Variants in SYNE1 observed in about 807,000 individuals in gnomAD.
SYNE1 encodes the protein spectrin repeat containing nuclear envelope protein 1.
SYNE1 carries 616 observed loss-of-function variants against 1,111.0 expected under a neutral mutation model. The observed-to-expected ratio is 0.55, with a 90% CI of 0.52 to 0.59. The LOEUF (loss-of-function observed/expected upper bound fraction) is 0.59, where lower values mean the gene tolerates loss of function less well. Among genes scored for constraint, SYNE1 ranks in the 20% least tolerant of loss-of-function variants. The pLI is 0.00. For missense variants in SYNE1, 10,006 were observed against 10,417.0 expected (o/e 0.96, Z 1.72); for synonymous variants, 3,855 against 3,825.8 (o/e 1.01, Z -0.28).
chr6:152,127,349 G>T (rs1332656632), intron 145 of SYNE1: 1 of 152,104 alleles, frequency 6.6e-6, no homozygotes, highest in Non-Finnish European at 1.5e-5. Flanking sequence ...TCTTGTGAGG[G>T]TTAAATGAGG....
chr6:152,591,097 T>C (rs949790991), intron 3 of SYNE1, among the ~76,000 whole-genome samples: 1 of 152,230 alleles, frequency 6.6e-6, no homozygotes, highest in East Asian at 1.9e-4. Context: ...TTAGAGATCT[T>C]TAACCTCTTT....
chr6:152,595,474 A>G (rs961712), intron 3 of SYNE1, among the ~76,000 whole-genome samples: 3,324 of 152,308 alleles, frequency 0.022, 130 homozygotes, highest in African/African-American at 0.076. Context: ...CAGATGCAAC[A>G]TCAACTCGTT....
chr6:152,434,881 C>A (rs879403246), intron 33 of SYNE1: 1 of 152,006 alleles, frequency 6.6e-6, no homozygotes, highest in Non-Finnish European at 1.5e-5. Context: ...CAAATTTATA[C>A]CCTGAATGTG....
chr6:152,318,871 C>T lies in SYNE1; in HGVS notation c.16381G>A (p.Asp5461Asn). ...AAAATTCTACTTCTTACCTTTTGGTCAGTTTTAGCTTGAACTACATTATCT... is the reference window on the plus strand; with the variant it reads ...AAAATTCTACTTCTTACCTTTTGGTTAGTTTTAGCTTGAACTACATTATCT... ...KTDNVVQAKT[D>N]QKVLGEELDG... The change falls in exon 85 of 146, where the codon GAC becomes AAC. Residue 5461 changes from aspartate (D) to asparagine (N), a missense_variant. Asp to Asn is a conservative substitution (Grantham distance 23). Around this residue, in one of 7 missense-constraint regions of SYNE1, gnomAD observed 4,955 missense variants for 5,017.2 expected, o/e 0.99. Coordinates refer to ENST00000367255, the MANE Select transcript of SYNE1 (RefSeq NM_182961.4). The T allele has an allele frequency of 6.2e-7, 1 of 1,614,114 alleles. No homozygotes were observed. Among genetic ancestry groups the T allele is most frequent in the Non-Finnish European group, 8.5e-7 (1 of 1,180,004 alleles).
chr6:152,163,102 A>T (rs1329262588), intron 131 of SYNE1, among the ~76,000 whole-genome samples: 1 of 152,222 alleles, frequency 6.6e-6, no homozygotes, highest in Non-Finnish European at 1.5e-5. Flanking sequence ...CAGAGTGTGG[A>T]TAGAATATTC....
intron 31 of SYNE1, 81 bp from the exon 32 acceptor site, chr6:152,441,351 C>A: frequency 7.0e-7 from 1 of 1,432,608 alleles, no homozygotes; most frequent in South Asian, 1.2e-5. Context: ...GCAAAACTGT[C>A]AACTTTCAGC....
chr6:152,224,720 A>G, intron 116 of SYNE1, 56 bp from the exon 117 acceptor site: 1 of 1,527,274 alleles, frequency 6.5e-7, no homozygotes, highest in Non-Finnish European at 9.1e-7. Context: ...ATGATGGAAT[A>G]TATATTCAAT....
intron 73 of SYNE1, among the ~76,000 whole-genome samples, chr6:152,346,425 C>T (rs1424650420): frequency 6.6e-6 from 1 of 152,142 alleles, no homozygotes. Flanking sequence ...CTTTGGCCTC[C>T]CAAAGTGCTG....
At position 152,256,378 on chromosome 6, in the gene SYNE1, C is replaced by T. The variant is rs181289804; in HGVS notation, c.19104+256G>A. Among the ~76,000 whole-genome samples the T allele has an allele frequency of 6.9e-4, 104 of 151,704 alleles. 1 individual carries two copies. Among genetic ancestry groups the T allele is most frequent in the Non-Finnish European group, 1.2e-3 (84 of 67,908 alleles). On this transcript the variant is annotated intron_variant, in intron 102 of 145. Transcript: ENST00000367255. ...CCAGGAGGCGGAGGTTGCAATGAGC[C>T]GAGATTGCACCACTGCACTCCAGCT...
At chr6:152,324,667 G>C (rs1377771673) in intron 81 of SYNE1, among the ~76,000 whole-genome samples, 1 of 152,106 alleles carries the variant, frequency 6.6e-6, no homozygotes, top group Non-Finnish European at 1.5e-5. Context: ...GGTGGCGGGC[G>C]CCTGTAGTCC....
In SYNE1 at chr6:152,168,087, T is replaced by C. The variant is rs369658238; in HGVS notation, c.23628-3762A>G. On this transcript the variant is annotated intron_variant, in intron 130 of 145. Transcript: ENST00000367255. ...CACGTAACATGAAAGCTATGTACAA[T>C]GGAAGAAACTCAAGAAGATGCCTGC... The C allele has an allele frequency of 4.8e-4, 378 of 780,792 alleles. 1 individual carries two copies. In the African/African-American group the frequency reaches 5.5e-3, roughly 11 times the overall value. 48.4% of individuals were successfully genotyped at this position (780,792 alleles called of 1,614,324 possible).
Position 152,488,732 on chromosome 6 carries a change from T to TA in SYNE1, c.940-230_940-229insT, listed in dbSNP as rs530313682. Among the ~76,000 whole-genome samples, 36 of 152,018 alleles carry TA rather than the reference T, an allele frequency of 2.4e-4. 1 individual carries two copies. In the East Asian group the frequency reaches 6.8e-3, roughly 29 times the overall value. On this transcript the variant is annotated intron_variant, in intron 11 of 145. Transcript: ENST00000367255. ...TAACGAAATTAACCAACTCCATTTT[T>TA]TTTTTGCCAAGTAACGCTAATTTAA...
intron 4 of SYNE1, among the ~76,000 whole-genome samples, chr6:152,527,653 A>G (rs74860550): frequency 0.022 from 3,426 of 152,330 alleles, 153 homozygotes; most frequent in African/African-American, 0.078. Flanking sequence ...AAGCAAAACA[A>G]TGAGGAACAA....
chr6:152,635,080 A>G (rs2099703974), intron 2 of SYNE1, among the ~76,000 whole-genome samples: 1 of 152,242 alleles, frequency 6.6e-6, no homozygotes, highest in African/African-American at 2.4e-5. Context: ...CATAGTTATC[A>G]GAAAGTAGGC....
chr6:152,166,133 G>T (rs188812509), intron 130 of SYNE1, among the ~76,000 whole-genome samples: 6 of 152,250 alleles, frequency 3.9e-5, no homozygotes, highest in Non-Finnish European at 7.3e-5. Flanking sequence ...AGGTTGGAGT[G>T]CTTGTTTTCT....
At chr6:152,347,834 C>T (rs1017087058) in intron 72 of SYNE1, among the ~76,000 whole-genome samples, 4 of 150,622 alleles carry the variant, frequency 2.7e-5, no homozygotes, top group African/African-American at 9.8e-5. Context: ...GTGCCCACCA[C>T]CACACCTGGC....
At chr6:152,260,072 G>C (rs538071225) in intron 101 of SYNE1, among the ~76,000 whole-genome samples, 19 of 152,264 alleles carry the variant, frequency 1.2e-4, no homozygotes, top group African/African-American at 4.6e-4. Flanking sequence ...AGCGGGTAAT[G>C]GATGAGACCT....
Position 152,186,556 on chromosome 6 carries a change from CAAAAAAAAAAAAAAAAAAAAAA to C in SYNE1, c.23301+2674_23301+2695del, listed in dbSNP as rs59187571. Reference sequence around the variant, plus strand: ...GGGCAACAAGAGAGCAGCTCTGTGTCAAAAAAAAAAAAAAAAAAAAAAAAAAAAAAAAAAAAAAAAGAAGAAG... The same window carrying C: ...GGGCAACAAGAGAGCAGCTCTGTGTCAAAAAAAAAAAAAAAAAAGAAGAAG... On this transcript the variant is annotated intron_variant, in intron 128 of 145. Coordinates refer to ENST00000367255, the MANE Select transcript of SYNE1 (RefSeq NM_182961.4). Among the ~76,000 whole-genome samples, 47 of 38,040 alleles carry C rather than the reference CAAAAAAAAAAAAAAAAAAAAAA, an allele frequency of 1.2e-3. No individual in the cohort carries two copies. In the East Asian group the frequency reaches 0.022, roughly 18 times the overall value. 25.0% of individuals were successfully genotyped at this position (38,040 alleles called of 152,430 possible). A position where few individuals can be genotyped will look rare whatever the true frequency, so the allele number is the denominator to read the frequency against.
In SYNE1 at chr6:152,350,277, A is replaced by T; in HGVS notation, c.11792T>A (p.Leu3931His). 6.2e-7 allele frequency: 1 copy of T among 1,614,120 alleles called. No homozygotes were observed. Among genetic ancestry groups the T allele is most frequent in the Non-Finnish European group, 8.5e-7 (1 of 1,180,032 alleles). The change falls in exon 72 of 146, where the codon CTC becomes CAC. Residue 3931 changes from leucine (L) to histidine (H), a missense_variant. Physicochemically the swap from Leu to His is moderately conservative, Grantham distance 99. Around this residue, in one of 7 missense-constraint regions of SYNE1, gnomAD observed 4,955 missense variants for 5,017.2 expected, o/e 0.99. Coordinates refer to ENST00000367255, the MANE Select transcript of SYNE1 (RefSeq NM_182961.4). ...VKDHEDYNSE[L>H]QEVEKWLLQM... ...CAGCAGCCACTTTTCGACCTCTTGG[A>T]GCTCACTGTTGTAGTCTTCATGGTC... is the stretch of plus-strand genomic sequence containing the variant.
Sources: gnomAD v4.1 joint callset for allele counts (sites outside exome capture counted in the v4.1 genomes callset) on GRCh38, gnomAD v4.1.1 for gene constraint, gnomAD v4.1.1 regional missense constraint, MANE v1.5 for transcripts, NCBI Gene and HGNC (gene_info 2026-07-23, HGNC 2026-07-21) for gene names.